The following RCN3 variants were observed in gnomAD, a reference collection of about 807,000 sequenced individuals.
RCN3 encodes the protein reticulocalbin-3.
A neutral mutation model predicts 35.9 loss-of-function variants in RCN3; 41 were observed. The ratio of observed to expected loss-of-function variants is 1.14; its 90% CI spans 0.89 to 1.48. The LOEUF (loss-of-function observed/expected upper bound fraction) is 1.48, where lower values mean the gene tolerates loss of function less well. RCN3 is among the 40% of genes most tolerant of loss of function. The pLI is 0.00. For synonymous variants in RCN3, 187 were observed against 193.4 expected (o/e 0.97, Z 0.27); for missense variants, 451 against 471.3 (o/e 0.96, Z 0.40).
rs1162131785 is a variant in RCN3 at position 49,537,185 on chromosome 19, A to T, written c.598A>T (p.Met200Leu). ...CCTGCACCCCGAGGAGTTCCCTCAC[A>T]TGCGGGACATCGTGATTGCTGTGAG... Reference protein sequence around the residue: ...AFLHPEEFPHMRDIVIAETLE... With the variant: ...AFLHPEEFPHLRDIVIAETLE... Residue 200 changes from methionine to leucine, a missense_variant, in exon 4 of 7, where the codon ATG (methionine) becomes TTG (leucine). By Grantham distance (15) the Met-to-Leu change is conservative. Coordinates refer to ENST00000270645, the MANE Select transcript of RCN3 (RefSeq NM_020650.3). The T allele has an allele frequency of 1.9e-6, 3 of 1,548,926 alleles. No individual in the cohort carries two copies. In the South Asian group the frequency reaches 3.6e-5, roughly 18 times the overall value.
chr19:49,534,200 G>T lies in RCN3; in HGVS notation c.250G>T (p.Val84Leu). 2 of 1,493,862 alleles carry T rather than the reference G, an allele frequency of 1.3e-6. No individual in the cohort carries two copies. Among genetic ancestry groups the T allele is most frequent in the Non-Finnish European group, 1.8e-6 (2 of 1,128,224 alleles). 92.5% of individuals were successfully genotyped at this position (1,493,862 alleles called of 1,614,324 possible). A position where few individuals can be genotyped will look rare whatever the true frequency, so the allele number is the denominator to read the frequency against. The change falls in exon 3 of 7, where the codon GTG (valine) becomes TTG (leucine). Residue 84 changes from valine to leucine, a missense_variant. Val to Leu is a conservative substitution (Grantham distance 32). Transcript: ENST00000270645. ...EESQARLGRIVDRMDRAGDGD... is the reference protein window; with the variant it reads ...EESQARLGRILDRMDRAGDGD... ...GCCCGCCCCGGCTTCTAGGCGGATC[G>T]TGGACCGCATGGACCGCGCGGGGGA...
intron 6 of RCN3, 117 bp from the exon 7 acceptor site, chr19:49,542,989 A>G (rs754780935): frequency 4.7e-5 from 43 of 913,374 alleles, no homozygotes; most frequent in Non-Finnish European, 7.0e-5. Flanking sequence ...TTCAGAGAGA[A>G]AGGGACAGAG....
intron 2 of RCN3, among the ~76,000 whole-genome samples, chr19:49,532,013 G>A (rs2122718011): frequency 6.6e-6 from 1 of 151,332 alleles, no homozygotes; most frequent in South Asian, 2.1e-4. Flanking sequence ...GTGTTAGCCA[G>A]GATGGTCTAG....
At position 49,530,222 on chromosome 19, in the gene RCN3, G is replaced by A. The variant is rs544897747; in HGVS notation, c.242+1508G>A. ...GTCTCCCGGGCTAGAGTGCAGTGGC[G>A]TGATCTCAGCTCATGCAACCTCTGC... On this transcript the variant is annotated intron_variant, in intron 2 of 6. Coordinates refer to ENST00000270645, the MANE Select transcript of RCN3 (RefSeq NM_020650.3). 7.3e-5 allele frequency among the ~76,000 whole-genome samples: 11 copies of A among 150,506 alleles called. No individual in the cohort carries two copies. The East Asian group carries it at 9.8e-4, about 13-fold the overall frequency.
chr19:49,543,476 GC>G lies in RCN3; in HGVS notation c.*267del, dbSNP rs1479007442. On this transcript the variant is annotated 3_prime_UTR_variant, in exon 7 of 7. Transcript: ENST00000270645. ...CCCAGCCCAGACCCAGGGACCCTTG[GC>G]CCCAAGCTCAGCTCTAAGAACCGCC... The G allele has an allele frequency of 3.6e-5, 18 of 497,034 alleles. No homozygotes were observed. The highest frequency in any genetic ancestry group is 2.6e-4 in the Admixed American group (8 of 30,908). The allele number at this position is 497,034 out of a possible 1,614,324, so 30.8% of individuals were successfully genotyped here.
Position 49,534,309 on chromosome 19 carries a change from C to A in RCN3, c.359C>A (p.Ala120Glu). ...CGGCACATACGGGACTCGGTGAGCG[C>A]GGCCTGGGACACGTACGACACGGAC... ...QQRHIRDSVS[A>E]AWDTYDTDRD... The change falls in exon 3 of 7, where the codon GCG becomes GAG. Residue 120 changes from alanine to glutamate, a missense_variant. Transcript: ENST00000270645. The A allele has an allele frequency of 6.7e-7, 1 of 1,492,960 alleles. No homozygotes were observed. Among genetic ancestry groups the A allele is most frequent in the Non-Finnish European group, 8.9e-7 (1 of 1,122,950 alleles). The allele number at this position is 1,492,960 out of a possible 1,614,324, so 92.5% of individuals were successfully genotyped here. A position where few individuals can be genotyped will look rare whatever the true frequency, so the allele number is the denominator to read the frequency against.
In RCN3 at chr19:49,537,196, C is replaced by T. The variant is rs140064291; in HGVS notation, c.609C>T (p.Ile203=). The part of the protein sequence containing the change: ...HPEEFPHMRD[I]VIAETLEDLD... ...AGGAGTTCCCTCACATGCGGGACAT[C>T]GTGATTGCTGTGAGTGGCGGCTGGG... The change falls in exon 4 of 7, where the codon ATC becomes ATT. Residue 203 remains isoleucine (I), a synonymous_variant. Coordinates refer to ENST00000270645, the MANE Select transcript of RCN3 (RefSeq NM_020650.3). The T allele has an allele frequency of 4.3e-5, 66 of 1,530,144 alleles. No homozygotes were observed. The highest frequency in any genetic ancestry group is 2.7e-4 in the African/African-American group (19 of 71,004). The allele number at this position is 1,530,144 out of a possible 1,614,324, so 94.8% of individuals were successfully genotyped here.
At chr19:49,534,166 C>T in intron 2 of RCN3, 27 bp from the exon 3 acceptor site, 1 of 1,473,324 alleles carries the variant, frequency 6.8e-7, no homozygotes, top group Non-Finnish European at 8.9e-7. Flanking sequence ...GGACCAGAGC[C>T]TGACGTGTGC....
At chr19:49,535,104 C>A (rs937937665) in intron 3 of RCN3, among the ~76,000 whole-genome samples, 3 of 152,166 alleles carry the variant, frequency 2.0e-5, no homozygotes, top group African/African-American at 2.4e-5. Context: ...CTCCCTCCCC[C>A]TCCTGGGCCC....
At position 49,529,540 on chromosome 19, in the gene RCN3, G is replaced by T. The variant is rs144385996; in HGVS notation, c.242+826G>T. Among the ~76,000 whole-genome samples the T allele has an allele frequency of 1.6e-3, 245 of 152,340 alleles. 4 individuals are homozygous for T. The highest frequency in any genetic ancestry group is 0.01 in the Middle Eastern group (3 of 294). On this transcript the variant is annotated intron_variant, in intron 2 of 6. Coordinates refer to ENST00000270645, the MANE Select transcript of RCN3 (RefSeq NM_020650.3). ...CAAAGGTTTATCGAGCACCTGCTATGTGCCAGGCACTGCTCTAGGTGCTGA... is the reference window on the plus strand; with the variant it reads ...CAAAGGTTTATCGAGCACCTGCTATTTGCCAGGCACTGCTCTAGGTGCTGA...
At chr19:49,537,362 C>T (rs571523296) in intron 4 of RCN3, among the ~76,000 whole-genome samples, 157 bp downstream of exon 4, 5 of 152,226 alleles carry the variant, frequency 3.3e-5, no homozygotes, top group Admixed American at 2.0e-4. Flanking sequence ...GGTCAGAGGA[C>T]GGTGACCTTT....
chr19:49,528,368 C>T lies in RCN3; in HGVS notation c.-6-99C>T, dbSNP rs558135154. Reference sequence around the variant, plus strand: ...AAGCTTGCAGCCAACTTCCAACTCCCTGTCCTGTCCTAGGTAACCCCTCCA... The same window carrying T: ...AAGCTTGCAGCCAACTTCCAACTCCTTGTCCTGTCCTAGGTAACCCCTCCA... On this transcript the variant is annotated intron_variant, in intron 1 of 6. Coordinates refer to ENST00000270645, the MANE Select transcript of RCN3 (RefSeq NM_020650.3). 2.8e-5 allele frequency: 34 copies of T among 1,195,176 alleles called. No homozygotes were observed. The South Asian group carries it at 3.7e-4, about 13-fold the overall frequency. 74.0% of individuals were successfully genotyped at this position (1,195,176 alleles called of 1,614,324 possible). A position where few individuals can be genotyped will look rare whatever the true frequency, so the allele number is the denominator to read the frequency against.
intron 2 of RCN3, among the ~76,000 whole-genome samples, chr19:49,531,388 G>A (rs144287817): frequency 2.6e-5 from 4 of 152,340 alleles, no homozygotes; most frequent in African/African-American, 9.6e-5. Context: ...CAAAGCGGGC[G>A]GATTGCCTGA....
At chr19:49,529,723 T>TC (rs1568707647) in intron 2 of RCN3, among the ~76,000 whole-genome samples, 1 of 151,678 alleles carries the variant, frequency 6.6e-6, no homozygotes, top group Admixed American at 6.6e-5. Context: ...AGGTTGTTGG[T>TC]GGGGGGGAGT....
At chr19:49,533,766 C>T (rs2080120381) in intron 2 of RCN3, among the ~76,000 whole-genome samples, 1 of 152,038 alleles carries the variant, frequency 6.6e-6, no homozygotes, top group South Asian at 2.1e-4. Context: ...GTGGCCGTGG[C>T]TGTCTGGGTT....
At position 49,543,488 on chromosome 19, in the gene RCN3, G is replaced by A. The variant is rs541885741; in HGVS notation, c.*275G>A. ...CCAGGGACCCTTGGCCCCAAGCTCA[G>A]CTCTAAGAACCGCCCCAACCCCTCC... On this transcript the variant is annotated 3_prime_UTR_variant, in exon 7 of 7. Transcript: ENST00000270645. 26 of 477,150 alleles carry A rather than the reference G, an allele frequency of 5.4e-5. No individual in the cohort carries two copies. The highest frequency in any genetic ancestry group is 4.4e-4 in the African/African-American group (22 of 49,936). The allele number at this position is 477,150 out of a possible 1,614,324, so 29.6% of individuals were successfully genotyped here.
At chr19:49,536,487 G>C (rs1372196639) in intron 3 of RCN3, among the ~76,000 whole-genome samples, 2 of 149,814 alleles carry the variant, frequency 1.3e-5, no homozygotes, top group East Asian at 2.0e-4. Flanking sequence ...TTTTAGTAGA[G>C]AAGGAGTTTC....
intron 2 of RCN3, among the ~76,000 whole-genome samples, chr19:49,530,816 G>A (rs2080105294): frequency 1.3e-5 from 2 of 152,136 alleles, no homozygotes; most frequent in African/African-American, 4.8e-5. Flanking sequence ...TTTTAAACAG[G>A]GAACTTGGAC....
chr19:49,535,502 A>C (rs2080129454), intron 3 of RCN3, among the ~76,000 whole-genome samples: 1 of 152,246 alleles, frequency 6.6e-6, no homozygotes. Flanking sequence ...AATATTGTGC[A>C]TAAAGAGCTT....
Sources: gnomAD v4.1 joint callset for allele counts (sites outside exome capture counted in the v4.1 genomes callset) on GRCh38, gnomAD v4.1.1 for gene constraint, MANE v1.5 for transcripts, NCBI Gene and HGNC (gene_info 2026-07-23, HGNC 2026-07-21) for gene names.